The following CTNNA3 variants were observed in gnomAD, a reference collection of about 807,000 sequenced individuals.
CTNNA3 encodes catenin alpha-3.
A neutral mutation model predicts 95.7 loss-of-function variants in CTNNA3; 76 were observed. That is an observed-to-expected ratio of 0.79 (90% CI 0.66 to 0.96). The LOEUF is 0.96. CTNNA3 is among the 40% of genes least tolerant of loss of function. The pLI is 0.00. For synonymous variants in CTNNA3, 431 were observed against 374.4 expected, an observed-to-expected ratio of 1.15 and a Z score of -1.74; for missense variants, 1,191 against 1,089.8, an observed-to-expected ratio of 1.09 and a Z score of -1.31.
intron 7 of CTNNA3, among the ~76,000 whole-genome samples, chr10:67,033,036 C>T (rs1453455804): frequency 6.6e-6 from 1 of 152,092 alleles, no homozygotes; most frequent in African/African-American, 2.4e-5. Flanking sequence ...TTACCAATGC[C>T]TAAAGGAACA....
rs1357268770 is a variant in CTNNA3, at chr10:67,122,384, A to G, written c.1047+57933T>C. ...AGTAAAAATAAATTATGAAAGACCT[A>G]GAAGAAATGATGTTAGTAATAGTAA... On this transcript the variant is annotated intron_variant, in intron 7 of 17. Coordinates refer to ENST00000433211, the MANE Select transcript of CTNNA3 (RefSeq NM_013266.4). Among the ~76,000 whole-genome samples the G allele has an allele frequency of 2.0e-5, 3 of 152,274 alleles. No homozygotes were observed. In the East Asian group the frequency reaches 5.8e-4, roughly 29 times the overall value.
At chr10:66,802,347 T>C (rs1365930372) in intron 7 of CTNNA3, among the ~76,000 whole-genome samples, 1 of 151,776 alleles carries the variant, frequency 6.6e-6, no homozygotes, top group Non-Finnish European at 1.5e-5. Context: ...AACACATTAA[T>C]AGGACAAATA....
At chr10:66,756,467 A>G (rs1839365241) in intron 9 of CTNNA3, among the ~76,000 whole-genome samples, 1 of 152,162 alleles carries the variant, frequency 6.6e-6, no homozygotes, top group Non-Finnish European at 1.5e-5. Context: ...ATCAAATCTA[A>G]CATTTCTATC....
intron 12 of CTNNA3, among the ~76,000 whole-genome samples, chr10:66,326,199 TA>T (rs1440239366): frequency 5.3e-5 from 8 of 152,088 alleles, no homozygotes; most frequent in Non-Finnish European, 1.0e-4. Context: ...TTTTGACATT[TA>T]GAGCAGAATG....
intron 17 of CTNNA3, among the ~76,000 whole-genome samples, chr10:65,922,464 T>C (rs2077102638): frequency 6.6e-6 from 1 of 152,172 alleles, no homozygotes; most frequent in South Asian, 2.1e-4. Flanking sequence ...ACATTTAGAT[T>C]AAGACTATTT....
chr10:66,693,711 G>A (rs1277789653), intron 9 of CTNNA3, among the ~76,000 whole-genome samples: 1 of 152,096 alleles, frequency 6.6e-6, no homozygotes, highest in East Asian at 1.9e-4. Context: ...ATAGTTGGAA[G>A]TAAAGCTTTC....
At chr10:66,993,214 T>C (rs1380521026) in intron 7 of CTNNA3, among the ~76,000 whole-genome samples, 1 of 152,138 alleles carries the variant, frequency 6.6e-6, no homozygotes, top group East Asian at 1.9e-4. Context: ...GGTATCTCTA[T>C]GTGGCTATTT....
At chr10:66,870,658 T>G (rs1448351637) in intron 7 of CTNNA3, among the ~76,000 whole-genome samples, 1 of 152,210 alleles carries the variant, frequency 6.6e-6, no homozygotes, top group Admixed American at 6.5e-5. Context: ...TAATCTAATT[T>G]CACCATCTCT....
intron 15 of CTNNA3, among the ~76,000 whole-genome samples, chr10:66,045,316 G>A (rs546299724): frequency 8.5e-5 from 13 of 152,236 alleles, no homozygotes; most frequent in African/African-American, 3.1e-4. Flanking sequence ...ACAGTGCTAG[G>A]TTTTATCTAC....
rs1217154951 is a variant in CTNNA3, at chr10:66,745,890, C to T, written c.1281+20374G>A. On this transcript the variant is annotated intron_variant, in intron 9 of 17. Transcript: ENST00000433211. ...CTGGGATTACAGGCGTGAGCCACAG[C>T]GCCCGGCCCACAGACAGCCATTATT... 3.9e-5 allele frequency among the ~76,000 whole-genome samples: 6 copies of T among 151,958 alleles called. 1 individual carries two copies. Among genetic ancestry groups the T allele is most frequent in the African/African-American group, 1.2e-4 (5 of 41,374 alleles).
At chr10:67,343,956 T>G (rs968454922) in intron 5 of CTNNA3, among the ~76,000 whole-genome samples, 3 of 148,468 alleles carry the variant, frequency 2.0e-5, no homozygotes, top group Non-Finnish European at 3.0e-5. Context: ...TTATACTTTA[T>G]TTTATTATAG....
At chr10:67,308,176 C>T (rs895505536) in intron 5 of CTNNA3, among the ~76,000 whole-genome samples, 1 of 152,170 alleles carries the variant, frequency 6.6e-6, no homozygotes, top group Admixed American at 6.5e-5. Flanking sequence ...ATCATCCTTT[C>T]AACATTCAAG....
intron 13 of CTNNA3, among the ~76,000 whole-genome samples, chr10:66,188,593 CTCTGTGTGTGTGTGTGTG>C (rs796476854): frequency 9.6e-4 from 100 of 104,644 alleles, no homozygotes; most frequent in African/African-American, 3.5e-3. Context: ...GAGGGGGGGT[CTCTGTGTGTGTGTGTGTG>C]TGTGTGTGTG....
At chr10:66,822,102 T>G (rs989842619) in intron 7 of CTNNA3, among the ~76,000 whole-genome samples, 5 of 106,094 alleles carry the variant, frequency 4.7e-5, no homozygotes, top group African/African-American at 1.1e-4. Flanking sequence ...TATGTAAAAT[T>G]TATGCATAAA....
intron 1 of CTNNA3, among the ~76,000 whole-genome samples, chr10:67,677,036 T>C (rs2133561727): frequency 6.6e-6 from 1 of 152,122 alleles, no homozygotes; most frequent in African/African-American, 2.4e-5. Flanking sequence ...AAGGAAAGAG[T>C]CCAGGTTTTC....
intron 7 of CTNNA3, among the ~76,000 whole-genome samples, chr10:66,887,438 A>C (rs556916334): frequency 4.5e-4 from 68 of 152,314 alleles, no homozygotes; most frequent in African/African-American, 1.6e-3. Context: ...ACAATGAAAA[A>C]ATGAAGTTTC....
intron 1 of CTNNA3, among the ~76,000 whole-genome samples, chr10:67,688,582 G>A (rs1309713961): frequency 2.6e-5 from 4 of 152,182 alleles, no homozygotes; most frequent in Non-Finnish European, 1.5e-5. Context: ...TCCCATCAGA[G>A]AGAGAATATT....
chr10:67,211,224 T>A (rs1864125662), intron 6 of CTNNA3, among the ~76,000 whole-genome samples: 2 of 151,996 alleles, frequency 1.3e-5, no homozygotes, highest in South Asian at 4.2e-4. Flanking sequence ...AATTTGTTTT[T>A]AAAAACTTGC....
chr10:66,842,563 T>G (rs1435506913), intron 7 of CTNNA3, among the ~76,000 whole-genome samples: 1 of 152,046 alleles, frequency 6.6e-6, no homozygotes, highest in African/African-American at 2.4e-5. Context: ...GAGAAGAACT[T>G]AATTGGTTTT....
Sources: gnomAD v4.1 joint callset for allele counts (sites outside exome capture counted in the v4.1 genomes callset) on GRCh38, gnomAD v4.1.1 for gene constraint, MANE v1.5 for transcripts, NCBI Gene and HGNC (gene_info 2026-07-23, HGNC 2026-07-21) for gene names.